NAT10: variants seen among roughly 807,000 people sequenced by gnomAD.
NAT10 encodes N-acetyltransferase 10, also known as RNA cytidine acetyltransferase.
NAT10 carries 109 observed loss-of-function variants against 132.2 expected under a neutral mutation model. The observed-to-expected ratio is 0.82, with a 90% confidence interval of 0.71 to 0.97. The LOEUF is 0.97. Among genes scored for constraint, NAT10 ranks in the 50% least tolerant of loss-of-function variants. The pLI, the probability that NAT10 is intolerant of heterozygous loss-of-function variation, is 0.00. For synonymous variants in NAT10, 479 were observed against 478.0 expected (o/e 1.00, Z -0.03); for missense variants, 1,184 against 1,263.4 (o/e 0.94, Z 0.95).
chr11:34,132,722 C>T (rs944942268), intron 15 of NAT10, among the ~76,000 whole-genome samples: 1 of 152,190 alleles, frequency 6.6e-6, no homozygotes, highest in Non-Finnish European at 1.5e-5. Flanking sequence ...ATAGCAGCCT[C>T]TTATCTGTAA....
chr11:34,114,558 A>C (rs1279345428), intron 5 of NAT10, among the ~76,000 whole-genome samples: 1 of 152,138 alleles, frequency 6.6e-6, no homozygotes. Flanking sequence ...CACTTGCACT[A>C]CAGCCCTTTT....
At chr11:34,127,368 A>G in intron 11 of NAT10, 95 bp from the exon 12 acceptor site, 1 of 1,291,670 alleles carries the variant, frequency 7.7e-7, no homozygotes, top group Non-Finnish European at 1.1e-6. Flanking sequence ...ACAGGGAGAG[A>G]GAGGAAAGAG....
chr11:34,128,231 G>A (rs1015583019), intron 12 of NAT10, among the ~76,000 whole-genome samples: 2 of 151,992 alleles, frequency 1.3e-5, no homozygotes, highest in East Asian at 1.9e-4. Context: ...GCGCGTGCCT[G>A]TAATCCCAGC....
Position 34,134,328 on chromosome 11 carries a change from G to A in NAT10, c.1744G>A (p.Glu582Lys). The change falls in exon 17 of 29, where the codon GAA becomes AAA. Residue 582 changes from glutamate (E) to lysine (K), a missense_variant. Glu to Lys is a moderately conservative substitution (Grantham distance 56). Transcript: ENST00000257829. Reference protein sequence around the residue: ...EVLAVIQVCLEGEISRQSILN... With the variant: ...EVLAVIQVCLKGEISRQSILN... ...CCTGCTTCCCCCACAGGTGTGCCTT[G>A]AAGGGGAGATTTCTCGCCAGTCCAT... 1.2e-6 allele frequency: 2 copies of A among 1,614,206 alleles called. No individual in the cohort carries two copies. The highest frequency in any genetic ancestry group is 1.7e-6 in the Non-Finnish European group (2 of 1,180,020).
At chr11:34,116,057 G>A (rs138057973) in intron 6 of NAT10, among the ~76,000 whole-genome samples, 173 bp downstream of exon 6, 73 of 152,322 alleles carry the variant, frequency 4.8e-4, no homozygotes, top group Non-Finnish European at 9.0e-4. Flanking sequence ...GCAGTGAAAC[G>A]TGGTGGAAAG....
At chr11:34,137,136 G>T in intron 21 of NAT10, 110 bp downstream of exon 21, 1 of 1,226,718 alleles carries the variant, frequency 8.2e-7, no homozygotes, top group Non-Finnish European at 1.2e-6. Context: ...CTCTGAGCAG[G>T]TGGCTGTGCC....
At chr11:34,140,360 C>T (rs2982614) in intron 23 of NAT10, 40 bp from the exon 24 acceptor site, 33,198 of 1,584,530 alleles carry the variant, frequency 0.021, 860 homozygotes, top group Admixed American at 0.12. Flanking sequence ...ATGAGGGCGC[C>T]GGGTGACCTA....
At chr11:34,119,956 G>A (rs1340168060) in intron 8 of NAT10, among the ~76,000 whole-genome samples, 1 of 152,142 alleles carries the variant, frequency 6.6e-6, no homozygotes, top group Non-Finnish European at 1.5e-5. Flanking sequence ...TCCAGTGTGT[G>A]GAAATGCCTT....
chr11:34,108,878 C>T (rs762555378), intron 3 of NAT10, 45 bp downstream of exon 3: 3 of 1,523,544 alleles, frequency 2.0e-6, no homozygotes, highest in Admixed American at 1.9e-5. Flanking sequence ...ACAATTCCTG[C>T]TCATTAGTTA....
At position 34,141,138 on chromosome 11, in the gene NAT10, A is replaced by T; in HGVS notation, c.2642A>T (p.Glu881Val). ...GLQHKSVDQL[E>V]KEIELPSGQL... is the part of the protein sequence containing the mutation. ...CAGCATAAGTCTGTGGACCAGCTGG[A>T]AAAGGAGATTGAGCTGCCCTCGGGC... Residue 881 changes from glutamate (E) to valine (V), a missense_variant, in exon 25 of 29, where the codon GAA becomes GTA. Transcript: ENST00000257829. 5 of 1,614,004 alleles carry T rather than the reference A, an allele frequency of 3.1e-6. No individual in the cohort carries two copies. Among genetic ancestry groups the T allele is most frequent in the Non-Finnish European group, 4.2e-6 (5 of 1,179,990 alleles).
chr11:34,144,318 A>C (rs1411610569), intron 28 of NAT10, among the ~76,000 whole-genome samples: 1 of 152,222 alleles, frequency 6.6e-6, no homozygotes, highest in African/African-American at 2.4e-5. Context: ...AAATTTAAAA[A>C]AAATTCATTT....
At chr11:34,119,485 G>A (rs1024886658) in intron 8 of NAT10, among the ~76,000 whole-genome samples, 26 of 152,146 alleles carry the variant, frequency 1.7e-4, no homozygotes, top group African/African-American at 5.6e-4. Flanking sequence ...TCACTTCCTG[G>A]TACCCTCTTT....
At chr11:34,145,373 G>C (rs1270433243) in intron 28 of NAT10, among the ~76,000 whole-genome samples, 1 of 152,130 alleles carries the variant, frequency 6.6e-6, no homozygotes, top group Admixed American at 6.5e-5. Context: ...TTCTTCCTTT[G>C]AGAGGTACTT....
At chr11:34,131,615 A>C in intron 14 of NAT10, 84 bp downstream of exon 14, 1 of 1,388,614 alleles carries the variant, frequency 7.2e-7, no homozygotes, top group Non-Finnish European at 9.7e-7. Flanking sequence ...TTTGTTTCAT[A>C]GGATGCTGCT....
At position 34,139,300 on chromosome 11, in the gene NAT10, T is replaced by A; in HGVS notation, c.2308+13T>A. ...GCCTTCTGGAAAGGTGACTGAGGAG[T>A]AGGGGTTTGGGGGAGACAATGAGGT... is the stretch of plus-strand genomic sequence containing the variant. On this transcript the variant is annotated intron_variant, in intron 22 of 28. Coordinates refer to ENST00000257829, the MANE Select transcript of NAT10 (RefSeq NM_024662.3). 1 of 1,611,904 alleles carries A rather than the reference T, an allele frequency of 6.2e-7. No individual in the cohort carries two copies. The highest frequency in any genetic ancestry group is 8.5e-7 in the Non-Finnish European group (1 of 1,179,138).
At chr11:34,108,717 A>G in intron 2 of NAT10, 25 bp from the exon 3 acceptor site, 1 of 1,598,342 alleles carries the variant, frequency 6.3e-7, no homozygotes, top group Non-Finnish European at 8.5e-7. Flanking sequence ...TGTGCCTGAA[A>G]TTCTGTGACT....
chr11:34,131,433 G>A lies in NAT10; in HGVS notation c.1422G>A (p.Gly474=), dbSNP rs759885270. The change falls in exon 14 of 29, where the codon GGG becomes GGA. Residue 474 remains glycine (G), a synonymous_variant. Coordinates refer to ENST00000257829, the MANE Select transcript of NAT10 (RefSeq NM_024662.3). Reference sequence around the variant, plus strand: ...AGGAGTCAATCCGATACGCCCCTGGGGATGCAGTGGAGAAGTGGCTGAATG... The same window carrying A: ...AGGAGTCAATCCGATACGCCCCTGGAGATGCAGTGGAGAAGTGGCTGAATG... ...SLQESIRYAP[G]DAVEKWLNDL... 1.4e-5 allele frequency: 23 copies of A among 1,614,056 alleles called. No individual in the cohort carries two copies. In the South Asian group the frequency reaches 2.4e-4, roughly 17 times the overall value.
In NAT10 at chr11:34,113,753, C is replaced by T; in HGVS notation, c.410C>T (p.Thr137Ile). Residue 137 changes from threonine to isoleucine, a missense_variant, in exon 5 of 29, where the codon ACT (threonine) becomes ATT (isoleucine). Physicochemically the swap from Thr to Ile is moderately conservative, Grantham distance 89 (BLOSUM62 -1). Transcript: ENST00000257829. The stretch of plus-strand genomic sequence containing the variant: ...TTAACTCCAAACTTGCTGGCCAGGA[C>T]TGTAGAAACAGTGGAAGGTGGTGGG... ...EALTPNLLAR[T>I]VETVEGGGLV... is the part of the protein sequence containing the mutation. 1 of 1,613,448 alleles carries T rather than the reference C, an allele frequency of 6.2e-7. No homozygotes were observed. Among genetic ancestry groups the T allele is most frequent in the South Asian group, 1.1e-5 (1 of 91,056 alleles).
chr11:34,123,478 C>T (rs1414092584), intron 9 of NAT10, among the ~76,000 whole-genome samples: 2 of 152,228 alleles, frequency 1.3e-5, no homozygotes, highest in African/African-American at 4.8e-5. Flanking sequence ...CATGAAACTA[C>T]TTCTTGTAGC....
Sources: allele counts gnomAD v4.1 joint callset (sites outside exome capture counted in the v4.1 genomes callset), GRCh38; gene constraint gnomAD v4.1.1; transcripts MANE v1.5; gene names NCBI Gene and HGNC (gene_info 2026-07-23, HGNC 2026-07-21).